The following EYS variants were observed in gnomAD, a reference collection of about 807,000 sequenced individuals.
The protein encoded by EYS is protein eyes shut homolog.
In EYS, 250 loss-of-function variants were observed where a neutral mutation model predicts 282.1. The ratio of observed to expected loss-of-function variants is 0.89; its 90% CI spans 0.80 to 0.98. EYS has a LOEUF of 0.98. Among genes scored for constraint, EYS ranks in the 50% least tolerant of loss-of-function variants. The pLI is 0.00. For synonymous variants in EYS, 1,355 were observed against 1,282.9 expected (o/e 1.06, Z -1.20); for missense variants, 4,016 against 3,709.0 (o/e 1.08, Z -2.15).
At chr6:65,539,205 T>C (rs1433910864) in intron 2 of EYS, among the ~76,000 whole-genome samples, 1 of 152,198 alleles carries the variant, frequency 6.6e-6, no homozygotes, top group Non-Finnish European at 1.5e-5. Flanking sequence ...ACTAAGGAGA[T>C]TCAATAATTT....
At chr6:63,753,146 A>ATATATATATATATATATATATATATATG (rs1769385623) in intron 41 of EYS, among the ~76,000 whole-genome samples, 1 of 104,112 alleles carries the variant, frequency 9.6e-6, no homozygotes, top group African/African-American at 4.3e-5. Context: ...GTGTGTATAT[A>ATATATATATATATATATATATATATATG]TATATATATA....
intron 22 of EYS, among the ~76,000 whole-genome samples, chr6:64,759,312 A>G (rs1773084363): frequency 6.6e-6 from 1 of 152,192 alleles, no homozygotes; most frequent in Admixed American, 6.5e-5. Flanking sequence ...ATTTAGTGAC[A>G]TGATACACTA....
rs1279541110 is a variant in EYS at position 63,864,265 on chromosome 6, A to C, written c.7149T>G (p.Gly2383=). 1 of 1,551,300 alleles carries C rather than the reference A, an allele frequency of 6.4e-7. No individual in the cohort carries two copies. Among genetic ancestry groups the C allele is most frequent in the Non-Finnish European group, 8.7e-7 (1 of 1,146,784 alleles). ...ASCENNPCGN[G]ATCVPKSGTD... The stretch of plus-strand genomic sequence containing the variant: ...TTCCGGATTTTGGAACACAGGTGGC[A>C]CCATTTCCACATGGGTTGTTTTCAC... The change falls in exon 36 of 43, where the codon GGT becomes GGG. Residue 2383 remains glycine (G), a synonymous_variant. Coordinates refer to ENST00000503581, the MANE Select transcript of EYS (RefSeq NM_001142800.2).
chr6:64,337,453 A>T (rs1770897637), intron 29 of EYS, among the ~76,000 whole-genome samples: 1 of 152,100 alleles, frequency 6.6e-6, no homozygotes. Context: ...CCCTGAACAG[A>T]CCAATAAGAA....
chr6:64,274,598 G>A (rs754924867), intron 30 of EYS, among the ~76,000 whole-genome samples: 1 of 151,012 alleles, frequency 6.6e-6, no homozygotes, highest in Non-Finnish European at 1.5e-5. Context: ...CCTGGAGTGG[G>A]GTAACTATCC....
intron 12 of EYS, among the ~76,000 whole-genome samples, chr6:65,072,599 T>C (rs1241900789): frequency 6.6e-6 from 1 of 151,796 alleles, no homozygotes; most frequent in Non-Finnish European, 1.5e-5. Context: ...CAAAGTGAGA[T>C]CCAATCTGCA....
chr6:65,112,438 A>G (rs1775239765), intron 12 of EYS, among the ~76,000 whole-genome samples: 1 of 152,182 alleles, frequency 6.6e-6, no homozygotes, highest in Admixed American at 6.5e-5. Context: ...ATCAAATTCT[A>G]TTAAAAACTA....
At chr6:64,455,617 C>A (rs1775535550) in intron 26 of EYS, among the ~76,000 whole-genome samples, 1 of 151,960 alleles carries the variant, frequency 6.6e-6, no homozygotes, top group Admixed American at 6.6e-5. Context: ...CCCAATCCTC[C>A]CGACAAGACC....
At chr6:65,433,415 A>G (rs1767954316) in intron 5 of EYS, among the ~76,000 whole-genome samples, 1 of 152,146 alleles carries the variant, frequency 6.6e-6, no homozygotes, top group African/African-American at 2.4e-5. Flanking sequence ...AGGGTACATG[A>G]TTTAAAAAAA....
chr6:65,095,278 T>C (rs9453179), intron 12 of EYS, among the ~76,000 whole-genome samples: 3,190 of 151,186 alleles, frequency 0.021, 79 homozygotes, highest in African/African-American at 0.06. Context: ...CTGGGAGATA[T>C]TAGTCAAAGG....
intron 14 of EYS, among the ~76,000 whole-genome samples, chr6:64,988,340 A>G (rs926884921): frequency 6.6e-6 from 1 of 151,618 alleles, no homozygotes; most frequent in Non-Finnish European, 1.5e-5. Context: ...GTGGCCCAAG[A>G]GCCTCAGCAT....
At chr6:63,874,965 C>G (rs1338853984) in intron 35 of EYS, among the ~76,000 whole-genome samples, 2 of 152,132 alleles carry the variant, frequency 1.3e-5, no homozygotes, top group Non-Finnish European at 2.9e-5. Flanking sequence ...CTCTTTATTT[C>G]TTTCTCCTGC....
chr6:64,148,792 T>C (rs1248763119), intron 31 of EYS, among the ~76,000 whole-genome samples: 1 of 152,172 alleles, frequency 6.6e-6, no homozygotes, highest in East Asian at 1.9e-4. Flanking sequence ...TGAGAAATGA[T>C]TGGAAGTCAA....
chr6:65,578,973 GT>G (rs1764776883), intron 2 of EYS, among the ~76,000 whole-genome samples: 1 of 152,070 alleles, frequency 6.6e-6, no homozygotes, highest in South Asian at 2.1e-4. Context: ...TATGTTTCTA[GT>G]TTAAATTATT....
intron 18 of EYS, among the ~76,000 whole-genome samples, chr6:64,895,739 A>T: frequency 6.6e-6 from 1 of 151,764 alleles, no homozygotes; most frequent in East Asian, 1.9e-4. Context: ...TTATTTATAT[A>T]AAAAAATAAG....
intron 22 of EYS, among the ~76,000 whole-genome samples, chr6:64,797,824 C>T (rs948968975): frequency 2.6e-5 from 4 of 151,860 alleles, no homozygotes; most frequent in Non-Finnish European, 4.4e-5. Context: ...AAGCAATATA[C>T]CCGTGAGATC....
chr6:65,216,236 T>A (rs1766309498), intron 12 of EYS, among the ~76,000 whole-genome samples: 1 of 152,106 alleles, frequency 6.6e-6, no homozygotes, highest in African/African-American at 2.4e-5. Context: ...GCATAGTAAT[T>A]TCTTTTTGAG....
intron 13 of EYS, among the ~76,000 whole-genome samples, chr6:65,042,007 G>A (rs903276930): frequency 1.3e-5 from 2 of 151,552 alleles, no homozygotes; most frequent in African/African-American, 4.8e-5. Flanking sequence ...AACTGACTTA[G>A]AGACTTAACA....
At position 63,905,385 on chromosome 6, in the gene EYS, G is replaced by A. The variant is rs1773752927; in HGVS notation, c.7056-41027C>T. On this transcript the variant is annotated intron_variant, in intron 35 of 42. Coordinates refer to ENST00000503581, the MANE Select transcript of EYS (RefSeq NM_001142800.2). ...CGCTCTGTCACCCAGGCTGGAGTGC[G>A]GTGGCACAATCTCGGCTCGCTGCAA... Among the ~76,000 whole-genome samples the A allele has an allele frequency of 2.7e-5, 4 of 146,802 alleles. No individual in the cohort carries two copies. The South Asian group carries it at 6.5e-4, about 24-fold the overall frequency.
Sources: gnomAD v4.1 joint callset for allele counts (sites outside exome capture counted in the v4.1 genomes callset) on GRCh38, gnomAD v4.1.1 for gene constraint, MANE v1.5 for transcripts, NCBI Gene and HGNC (gene_info 2026-07-23, HGNC 2026-07-21) for gene names.